Variants in SPATA33 observed in about 807,000 individuals in gnomAD.
SPATA33 encodes the protein spermatogenesis-associated protein 33.
Under a neutral mutation model 8.9 loss-of-function variants are expected in SPATA33, and 10 were observed. The ratio of observed to expected loss-of-function variants is 1.12; its 90% CI spans 0.69 to 1.90. The LOEUF (loss-of-function observed/expected upper bound fraction) is 1.90. Ranked by LOEUF, SPATA33 falls within the 40% of genes most tolerant of loss-of-function variation. The pLI is 0.00. For synonymous variants in SPATA33, 96 were observed against 72.8 expected (o/e 1.32, Z -1.63); for missense variants, 241 against 178.3 (o/e 1.35, Z -2.00).
At chr16:89,659,892 C>T (rs2059942595) in intron 2 of SPATA33, 1 of 152,272 alleles carries the variant, frequency 6.6e-6, no homozygotes, top group African/African-American at 2.4e-5. Flanking sequence ...TGGAACCTCC[C>T]ACTGGAGGGT....
chr16:89,660,425 G>A (rs2059951539), intron 2 of SPATA33: 3 of 1,223,270 alleles, frequency 2.5e-6, no homozygotes, highest in Admixed American at 8.4e-5. Context: ...GGCCCCAGCA[G>A]TGTCTGTCAC....
At chr16:89,664,043 C>A (rs2059994378) in intron 2 of SPATA33, among the ~76,000 whole-genome samples, 1 of 152,116 alleles carries the variant, frequency 6.6e-6, no homozygotes, top group Admixed American at 6.6e-5. Context: ...CCCTTGACCC[C>A]ATGAGGTTGG....
chr16:89,668,192 G>C (rs1443766822), intron 2 of SPATA33: 1 of 152,298 alleles, frequency 6.6e-6, no homozygotes, highest in East Asian at 1.9e-4. Context: ...GGAGCCTGTA[G>C]TCCCAGTTGC....
chr16:89,669,497 A>C lies in SPATA33; in HGVS notation c.423A>C (p.Ter141TyrextTer66). ...CCTATAATTCACATCTCAAAGAATA[A>C]ACAAGCACCTTTGCATGGCACTCGC... ...ADAYNSHLKE[*>Y] is the part of the protein sequence containing the mutation. The change falls in exon 3 of 3, where the codon TAA becomes TAC. Residue 141 changes from the stop codon to tyrosine (Y), a stop_lost. Coordinates refer to ENST00000579310, the MANE Select transcript of SPATA33 (RefSeq NM_001271907.2). 1 of 1,612,360 alleles carries C rather than the reference A, an allele frequency of 6.2e-7. No individual in the cohort carries two copies. Among genetic ancestry groups the C allele is most frequent in the Non-Finnish European group, 8.5e-7 (1 of 1,179,974 alleles).
Position 89,669,859 on chromosome 16 carries a change from G to T in SPATA33, c.*362G>T. On this transcript the variant is annotated 3_prime_UTR_variant, in exon 3 of 3. Coordinates refer to ENST00000579310, the MANE Select transcript of SPATA33 (RefSeq NM_001271907.2). Reference sequence around the variant, plus strand: ...CCCCTTCTCCAATGCTCTCGGGGAGGGTACACCAGGGTTGCCCCACCCTGT... The same window carrying T: ...CCCCTTCTCCAATGCTCTCGGGGAGTGTACACCAGGGTTGCCCCACCCTGT... 3.4e-6 allele frequency: 1 copy of T among 291,866 alleles called. No homozygotes were observed. The highest frequency in any genetic ancestry group is 7.6e-5 in the East Asian group (1 of 13,136). 18.1% of individuals were successfully genotyped at this position (291,866 alleles called of 1,614,324 possible).
rs115556206 is a variant in SPATA33 at position 89,660,781 on chromosome 16, G to A, written c.211+2360G>A. Reference sequence around the variant, plus strand: ...AGGACTTTGGAGGGTGATGGAAATGGTTTTCGACCTGAATCTGAACATGGG... The same window carrying A: ...AGGACTTTGGAGGGTGATGGAAATGATTTTCGACCTGAATCTGAACATGGG... On this transcript the variant is annotated intron_variant, in intron 2 of 2. Transcript: ENST00000579310. 1.8e-3 allele frequency: 1,755 copies of A among 1,001,582 alleles called. 23 individuals carry two copies. The African/African-American group carries it at 0.027, about 15-fold the overall frequency. 62.0% of individuals were successfully genotyped at this position (1,001,582 alleles called of 1,614,324 possible).
rs756388492 is a variant in SPATA33 at position 89,657,924 on chromosome 16, A to G, written c.13A>G (p.Lys5Glu). 5 of 1,518,656 alleles carry G rather than the reference A, an allele frequency of 3.3e-6. No individual in the cohort carries two copies. The African/African-American group carries it at 4.3e-5, about 13-fold the overall frequency. The allele number at this position is 1,518,656 out of a possible 1,614,324, so 94.1% of individuals were successfully genotyped here. A position where few individuals can be genotyped will look rare whatever the true frequency, so the allele number is the denominator to read the frequency against. ...GGTGGGCTCACCCATGGGCCTTTCCAAAAGCAAAGAGAAACCCAGGAAAGG... is the reference window on the plus strand; with the variant it reads ...GGTGGGCTCACCCATGGGCCTTTCCGAAAGCAAAGAGAAACCCAGGAAAGG... Reference protein sequence around the residue: MGLSKSKEKPRKGEE... With the variant: MGLSESKEKPRKGEE... Residue 5 changes from lysine to glutamate, a missense_variant, in exon 1 of 3, where the codon AAA becomes GAA. By Grantham distance (56) the Lys-to-Glu change is moderately conservative. Coordinates refer to ENST00000579310, the MANE Select transcript of SPATA33 (RefSeq NM_001271907.2).
intron 2 of SPATA33, among the ~76,000 whole-genome samples, chr16:89,665,649 A>C (rs1597806620): frequency 6.6e-6 from 1 of 152,188 alleles, no homozygotes; most frequent in Non-Finnish European, 1.5e-5. Flanking sequence ...ACTTTGAGGA[A>C]GATGAAATAA....
intron 2 of SPATA33, chr16:89,660,183 A>G: frequency 4.4e-6 from 1 of 227,986 alleles, no homozygotes; most frequent in Non-Finnish European, 8.5e-6. Flanking sequence ...ACAGCCCCCG[A>G]TGAGTGTACA....
intron 2 of SPATA33, among the ~76,000 whole-genome samples, chr16:89,661,811 G>A (rs919508983): frequency 2.0e-5 from 3 of 152,124 alleles, no homozygotes; most frequent in Non-Finnish European, 4.4e-5. Flanking sequence ...CTGAGGATGA[G>A]TCAGTGTTAA....
At chr16:89,666,232 C>T (rs1294872596) in intron 2 of SPATA33, among the ~76,000 whole-genome samples, 1 of 152,116 alleles carries the variant, frequency 6.6e-6, no homozygotes, top group Non-Finnish European at 1.5e-5. Context: ...TAGGTGGGAT[C>T]TGTGGTTCCA....
chr16:89,660,379 A>G (rs1364998517), intron 2 of SPATA33: 1 of 945,848 alleles, frequency 1.1e-6, no homozygotes, highest in Admixed American at 4.3e-5. Flanking sequence ...CTCTGCCAGT[A>G]ACGGAAGTGG....
At chr16:89,662,919 G>A (rs11645355) in intron 2 of SPATA33, among the ~76,000 whole-genome samples, 58,017 of 151,660 alleles carry the variant, frequency 0.38, 12,088 homozygotes, top group African/African-American at 0.54. Context: ...TCAGCCTCCC[G>A]AGTAGCTGAG....
intron 2 of SPATA33, among the ~76,000 whole-genome samples, chr16:89,662,181 C>G (rs1218319181): frequency 6.6e-6 from 1 of 151,804 alleles, no homozygotes; most frequent in African/African-American, 2.4e-5. Flanking sequence ...GTAATTCCAA[C>G]TACTTTGGAG....
At chr16:89,661,915 T>C (rs761316965) in intron 2 of SPATA33, among the ~76,000 whole-genome samples, 3 of 152,146 alleles carry the variant, frequency 2.0e-5, no homozygotes, top group Non-Finnish European at 4.4e-5. Flanking sequence ...GGGAATGCTA[T>C]TATAGTTACG....
chr16:89,668,318 T>C (rs1041064497), intron 2 of SPATA33, among the ~76,000 whole-genome samples: 1 of 152,168 alleles, frequency 6.6e-6, no homozygotes, highest in African/African-American at 2.4e-5. Context: ...TCTCAAAAAC[T>C]AAGAAGAAGA....
chr16:89,664,732 C>T (rs988639687), intron 2 of SPATA33, among the ~76,000 whole-genome samples: 5 of 152,264 alleles, frequency 3.3e-5, no homozygotes, highest in Admixed American at 6.5e-5. Context: ...AGCGAGAAAA[C>T]GGGAACTTCA....
At position 89,660,936 on chromosome 16, in the gene SPATA33, C is replaced by T. The variant is rs1430521003; in HGVS notation, c.211+2515C>T. The T allele has an allele frequency of 2.9e-6, 3 of 1,021,524 alleles. No homozygotes were observed. The Admixed American group carries it at 1.7e-4, about 59-fold the overall frequency. The allele number at this position is 1,021,524 out of a possible 1,614,324, so 63.3% of individuals were successfully genotyped here. A position where few individuals can be genotyped will look rare whatever the true frequency, so the allele number is the denominator to read the frequency against. Reference sequence around the variant, plus strand: ...GAGTCTTCTCAGCTTGGGGCATGCACCTCAGGGGGAGCCAGCATCAGTGTC... The same window carrying T: ...GAGTCTTCTCAGCTTGGGGCATGCATCTCAGGGGGAGCCAGCATCAGTGTC... On this transcript the variant is annotated intron_variant, in intron 2 of 2. Coordinates refer to ENST00000579310, the MANE Select transcript of SPATA33 (RefSeq NM_001271907.2).
chr16:89,658,118 T>G (rs1597798025), intron 1 of SPATA33, 130 bp from the exon 2 acceptor site: 1 of 1,505,514 alleles, frequency 6.6e-7, no homozygotes, highest in Non-Finnish European at 8.8e-7. Context: ...CCTGAGGCGG[T>G]TACGGAAACG....
Sources: allele counts gnomAD v4.1 joint callset (sites outside exome capture counted in the v4.1 genomes callset), GRCh38; gene constraint gnomAD v4.1.1; transcripts MANE v1.5; gene names NCBI Gene and HGNC (gene_info 2026-07-23, HGNC 2026-07-21).